Variants in LRRC36 observed in about 807,000 individuals in gnomAD.
LRRC36 encodes leucine rich repeat containing 36.
A neutral mutation model predicts 81.1 loss-of-function variants in LRRC36; 62 were observed. The observed-to-expected ratio is 0.76, with a 90% confidence interval of 0.62 to 0.94. LRRC36 has a LOEUF of 0.94. Among genes scored for constraint, LRRC36 ranks in the 40% least tolerant of loss-of-function variants. The pLI is 0.00. For missense variants in LRRC36, 761 were observed against 881.7 expected (o/e 0.86, Z 1.73); for synonymous variants, 334 against 348.6 (o/e 0.96, Z 0.47).
rs759693623 is a variant in LRRC36 at position 67,371,047 on chromosome 16, T to C, written c.1299T>C (p.Ser433=). Reference sequence around the variant, plus strand: ...ATGATTTAACACCAGCACATGGTTCTGTCCCAAACAACGCTGTCCTGGGAA... The same window carrying C: ...ATGATTTAACACCAGCACATGGTTCCGTCCCAAACAACGCTGTCCTGGGAA... ...SLDDLTPAHG[S]VPNNAVLGNR... is the part of the protein sequence containing the mutation. The change falls in exon 9 of 14, where the codon TCT becomes TCC. Residue 433 remains serine, a synonymous_variant. Transcript: ENST00000329956. 3.1e-6 allele frequency: 5 copies of C among 1,614,120 alleles called. No individual in the cohort carries two copies. The Admixed American group carries it at 8.3e-5, about 27-fold the overall frequency.
rs2039443281 is a variant in LRRC36, at chr16:67,367,307, A to G, written c.1045A>G (p.Lys349Glu). ...TCTATCCCTGCATGGAAGTCTTGGTAAAAGGCCTCAGAGAAGCAAGAACTA... is the reference window on the plus strand; with the variant it reads ...TCTATCCCTGCATGGAAGTCTTGGTGAAAGGCCTCAGAGAAGCAAGAACTA... ...QTLSLHGSLGKRPQRSKNYQE... is the reference protein window; with the variant it reads ...QTLSLHGSLGERPQRSKNYQE... The change falls in exon 8 of 14, where the codon AAA (lysine) becomes GAA (glutamate). Residue 349 changes from lysine (K) to glutamate (E), a missense_variant. This residue lies in a region of LRRC36 where 139 missense variants were observed against 214.0 expected (regional missense o/e 0.65). Coordinates refer to ENST00000329956, the MANE Select transcript of LRRC36 (RefSeq NM_018296.6). The G allele has an allele frequency of 6.2e-7, 1 of 1,614,000 alleles. No homozygotes were observed.
At chr16:67,377,697 C>T (rs1176470132) in intron 11 of LRRC36, among the ~76,000 whole-genome samples, 1 of 150,522 alleles carries the variant, frequency 6.6e-6, no homozygotes, top group Non-Finnish European at 1.5e-5. Flanking sequence ...TGCAATGGTG[C>T]GATCTCGGCT....
Position 67,363,719 on chromosome 16 carries a change from T to C in LRRC36, c.702+5T>C. 1 of 1,613,542 alleles carries C rather than the reference T, an allele frequency of 6.2e-7. No individual in the cohort carries two copies. The highest frequency in any genetic ancestry group is 8.5e-7 in the Non-Finnish European group (1 of 1,179,588). ...ACCTTCCCACTGGGGACACAGGTAA[T>C]GTATTCACTCTCCTGCTGATCTGTT... On this transcript the variant is annotated splice_donor_5th_base_variant and intron_variant, in intron 6 of 13. Coordinates refer to ENST00000329956, the MANE Select transcript of LRRC36 (RefSeq NM_018296.6).
chr16:67,376,994 G>A (rs2039926377), intron 11 of LRRC36, 122 bp downstream of exon 11: 1 of 1,103,144 alleles, frequency 9.1e-7, no homozygotes, highest in Non-Finnish European at 1.2e-6. Flanking sequence ...GGGCACAGCA[G>A]GAATACAAAA....
rs1174866589 is a variant in LRRC36 at position 67,376,971 on chromosome 16, A to G, written c.1806+99A>G. ...ATCACCGTGAACACCTAACCAAAAT[A>G]TGGCAAAAGTCTGGGCACAGCAGGA... On this transcript the variant is annotated intron_variant, in intron 11 of 13. Transcript: ENST00000329956. 11 of 1,304,192 alleles carry G rather than the reference A, an allele frequency of 8.4e-6. No individual in the cohort carries two copies. The African/African-American group carries it at 1.6e-4, about 19-fold the overall frequency. The allele number at this position is 1,304,192 out of a possible 1,614,324, so 80.8% of individuals were successfully genotyped here. A position where few individuals can be genotyped will look rare whatever the true frequency, so the allele number is the denominator to read the frequency against.
chr16:67,332,034 A>C lies in LRRC36; in HGVS notation c.70+5102A>C, dbSNP rs373508806. On this transcript the variant is annotated intron_variant, in intron 1 of 13. Coordinates refer to ENST00000329956, the MANE Select transcript of LRRC36 (RefSeq NM_018296.6). ...AAAGTTTTATTTATTAGAAACATTC[A>C]TTGTCATTATAAATAAGCTTTGTTA... 8.1e-4 allele frequency among the ~76,000 whole-genome samples: 124 copies of C among 152,212 alleles called. 2 individuals are homozygous for C. The South Asian group carries it at 0.024, about 30-fold the overall frequency.
intron 12 of LRRC36, among the ~76,000 whole-genome samples, chr16:67,381,051 CCA>C (rs1567505770): frequency 2.0e-5 from 3 of 151,928 alleles, no homozygotes; most frequent in Non-Finnish European, 4.4e-5. Context: ...TGGTGAAACC[CCA>C]TCTCTACTAA....
intron 1 of LRRC36, among the ~76,000 whole-genome samples, chr16:67,340,490 A>G (rs1035481519): frequency 4.0e-5 from 6 of 151,814 alleles, no homozygotes; most frequent in Non-Finnish European, 8.8e-5. Flanking sequence ...CCCCGTTTCT[A>G]CCTAAAATAC....
intron 5 of LRRC36, among the ~76,000 whole-genome samples, chr16:67,357,514 G>A (rs2038955125): frequency 6.6e-6 from 1 of 152,202 alleles, no homozygotes. Context: ...TTAACACTGA[G>A]AGGAAGGGGA....
In LRRC36 at chr16:67,358,494, A is replaced by ATT. The variant is rs112646894; in HGVS notation, c.578-5080_578-5079dup. 1.5e-3 allele frequency among the ~76,000 whole-genome samples: 197 copies of ATT among 134,630 alleles called. 1 individual carries two copies. Among genetic ancestry groups the ATT allele is most frequent in the African/African-American group, 4.9e-3 (179 of 36,576 alleles). The allele number at this position is 134,630 out of a possible 152,430, so 88.3% of individuals were successfully genotyped here. On this transcript the variant is annotated intron_variant, in intron 5 of 13. Coordinates refer to ENST00000329956, the MANE Select transcript of LRRC36 (RefSeq NM_018296.6). ...AGGGACTACAGGCATGTCGCCACTA[A>ATT]TTTTTTTTTTTTTTTTTGCACCCAG...
intron 1 of LRRC36, among the ~76,000 whole-genome samples, chr16:67,337,503 G>A (rs939664659): frequency 6.6e-6 from 1 of 151,476 alleles, no homozygotes; most frequent in African/African-American, 2.4e-5. Context: ...GATTACAGGC[G>A]TGTGCCACTA....
chr16:67,378,460 G>A lies in LRRC36; in HGVS notation c.1807-129G>A, dbSNP rs1050825841. ...TCACCGTGTTGCCCAGGCTGGTCTC[G>A]AACTCCTGAGCTCAGGCAAACCATC... is the stretch of plus-strand genomic sequence containing the variant. On this transcript the variant is annotated intron_variant, in intron 11 of 13. Coordinates refer to ENST00000329956, the MANE Select transcript of LRRC36 (RefSeq NM_018296.6). The A allele has an allele frequency of 4.4e-5, 31 of 702,000 alleles. No individual in the cohort carries two copies. In the East Asian group the frequency reaches 7.0e-4, roughly 16 times the overall value. The allele number at this position is 702,000 out of a possible 1,614,324, so 43.5% of individuals were successfully genotyped here.
Position 67,326,895 on chromosome 16 carries a change from C to T in LRRC36, c.33C>T (p.Gly11=). 3 of 1,469,832 alleles carry T rather than the reference C, an allele frequency of 2.0e-6. No homozygotes were observed. Among genetic ancestry groups the T allele is most frequent in the Non-Finnish European group, 2.7e-6 (3 of 1,122,128 alleles). 91.0% of individuals were successfully genotyped at this position (1,469,832 alleles called of 1,614,324 possible). Residue 11 remains glycine (G), a synonymous_variant, in exon 1 of 14, where the codon GGC becomes GGT. Coordinates refer to ENST00000329956, the MANE Select transcript of LRRC36 (RefSeq NM_018296.6). MAEQWELDEE[G]IRRLGALTLE... ...AGCAATGGGAGCTGGACGAGGAAGG[C>T]ATTCGCCGCCTGGGGGCGCTGACGC...
intron 1 of LRRC36, among the ~76,000 whole-genome samples, chr16:67,338,980 T>C (rs887745902): frequency 6.9e-6 from 1 of 143,946 alleles, no homozygotes; most frequent in Non-Finnish European, 1.5e-5. Flanking sequence ...CTGCAACCCC[T>C]GTCTCCTGGG....
intron 1 of LRRC36, among the ~76,000 whole-genome samples, chr16:67,333,681 A>G (rs1413867592): frequency 6.6e-6 from 1 of 152,162 alleles, no homozygotes; most frequent in East Asian, 1.9e-4. Flanking sequence ...TCTTTGACTT[A>G]GCATAGTATT....
At chr16:67,355,401 G>T in intron 5 of LRRC36, among the ~76,000 whole-genome samples, 1 of 114,834 alleles carries the variant, frequency 8.7e-6, no homozygotes, top group Non-Finnish European at 1.6e-5. Flanking sequence ...TTGAGACGGA[G>T]TCTCGCTCTG....
intron 9 of LRRC36, among the ~76,000 whole-genome samples, chr16:67,373,707 CAA>C (rs552146686): frequency 0.13 from 4,537 of 34,824 alleles, 51 homozygotes; most frequent in Middle Eastern, 0.26. Context: ...GACTCTGTCT[CAA>C]AAAAAAAAAA....
chr16:67,362,473 A>G (rs891571995), intron 5 of LRRC36, among the ~76,000 whole-genome samples: 2 of 152,024 alleles, frequency 1.3e-5, no homozygotes, highest in African/African-American at 4.8e-5. Flanking sequence ...AAGTTTGAAT[A>G]TATATACAGA....
In LRRC36 at chr16:67,367,024, A is replaced by T. The variant is rs2039427616; in HGVS notation, c.762A>T (p.Arg254Ser). Residue 254 changes from arginine (R) to serine (S), a missense_variant, in exon 8 of 14, where the codon AGA becomes AGT. Arg to Ser is a moderately radical substitution (Grantham distance 110). Coordinates refer to ENST00000329956, the MANE Select transcript of LRRC36 (RefSeq NM_018296.6). ...PSDNHQEDEF[R>S]HYSPRQSTVR... ...TGCCTTGGTGGTGTTTAGAGTTCAG[A>T]CACTACTCGCCTCGTCAGTCCACAG... 2 of 1,600,050 alleles carry T rather than the reference A, an allele frequency of 1.2e-6. No individual in the cohort carries two copies. Among genetic ancestry groups the T allele is most frequent in the Admixed American group, 1.8e-5 (1 of 57,120 alleles).
Sources: allele counts gnomAD v4.1 joint callset (sites outside exome capture counted in the v4.1 genomes callset), GRCh38; gene constraint gnomAD v4.1.1; regional missense constraint gnomAD v4.1.1; transcripts MANE v1.5; gene names NCBI Gene and HGNC (gene_info 2026-07-23, HGNC 2026-07-21).